The following ASB6 variants were observed in gnomAD, a reference collection of about 807,000 sequenced individuals.
ASB6 encodes ankyrin repeat and SOCS box protein 6.
ASB6 carries 24 observed loss-of-function variants against 28.6 expected under a neutral mutation model. The observed-to-expected ratio is 0.84, with a 90% confidence interval of 0.61 to 1.18. The LOEUF (loss-of-function observed/expected upper bound fraction) is 1.18, where lower values mean the gene tolerates loss of function less well. Ranked by LOEUF, ASB6 falls within the 50% of genes most tolerant of loss-of-function variation. ASB6 has a pLI of 0.00. For synonymous variants in ASB6, 267 were observed against 243.4 expected (o/e 1.10, Z -0.90); for missense variants, 519 against 559.8 (o/e 0.93, Z 0.74).
chr9:129,635,516 G>A lies in ASB6; in HGVS notation c.*2274C>T. On this transcript the variant is annotated 3_prime_UTR_variant, in exon 6 of 6. Transcript: ENST00000277458. ...AACCACAGTCCTGGTGGGGGGAGCT[G>A]GCAGCTGGGCAAGATCCAGGCGCCA... The A allele has an allele frequency of 1.9e-6, 3 of 1,569,110 alleles. No homozygotes were observed. Among genetic ancestry groups the A allele is most frequent in the South Asian group, 2.3e-5 (2 of 85,286 alleles).
intron 5 of ASB6, 52 bp downstream of exon 5, chr9:129,638,521 C>T: frequency 1.9e-6 from 3 of 1,611,140 alleles, no homozygotes; most frequent in Middle Eastern, 1.6e-4. Context: ...AGCAACAGCA[C>T]ACATCGAAGG....
In ASB6 at chr9:129,640,525, C is replaced by CG. The variant is rs1564355756; in HGVS notation, c.295+15dup. 6.2e-7 allele frequency: 1 copy of CG among 1,600,312 alleles called. No individual in the cohort carries two copies. Among genetic ancestry groups the CG allele is most frequent in the East Asian group, 2.2e-5 (1 of 44,576 alleles). On this transcript the variant is annotated intron_variant, in intron 2 of 5. Coordinates refer to ENST00000277458, the MANE Select transcript of ASB6 (RefSeq NM_017873.4). ...CGCGTTTAAGCCACCTGCCCACCCC[C>CG]GGGGCTCTCGCTGACCTTCAAAGTT... is the stretch of plus-strand genomic sequence containing the variant.
At chr9:129,641,793 G>A (rs1831708356) in intron 1 of ASB6, 94 bp downstream of exon 1, 3 of 1,280,340 alleles carry the variant, frequency 2.3e-6, no homozygotes, top group South Asian at 3.1e-5. Flanking sequence ...CTCTGTCAAG[G>A]GGGACGCATC....
In ASB6 at chr9:129,635,347, G is replaced by C. The variant is rs766525095; in HGVS notation, c.*2443C>G. On this transcript the variant is annotated 3_prime_UTR_variant, in exon 6 of 6. Transcript: ENST00000277458. ...ACGACGTGGACAGCAGCGTGTGCCG[G>C]GACCTTGACGTGGTCCGCAGGATCA... 1.9e-5 allele frequency: 30 copies of C among 1,613,838 alleles called. No individual in the cohort carries two copies. Among genetic ancestry groups the C allele is most frequent in the Non-Finnish European group, 2.5e-5 (29 of 1,180,036 alleles).
At chr9:129,640,440 A>G in intron 2 of ASB6, 101 bp downstream of exon 2, 2 of 1,432,378 alleles carry the variant, frequency 1.4e-6, no homozygotes. Context: ...GGGGGAAGTC[A>G]CTCCTCAGAG....
chr9:129,642,000 C>A lies in ASB6; in HGVS notation c.-1G>T, dbSNP rs1183587708. On this transcript the variant is annotated 5_prime_UTR_variant, in exon 1 of 6. Transcript: ENST00000277458. ...TCCGGAAGCCGTGCAGGAACGGCAT[C>A]GCCGCGGGCCCCGCGCAGCAGGGCC... 1 of 1,592,624 alleles carries A rather than the reference C, an allele frequency of 6.3e-7. No homozygotes were observed. The highest frequency in any genetic ancestry group is 8.5e-7 in the Non-Finnish European group (1 of 1,170,844).
chr9:129,639,136 C>G, intron 4 of ASB6, 66 bp downstream of exon 4: 2 of 1,487,472 alleles, frequency 1.3e-6, no homozygotes, highest in Non-Finnish European at 1.8e-6. Flanking sequence ...TCCTGGGGCA[C>G]CCTGGGTGTC....
In ASB6 at chr9:129,635,537, C is replaced by T. The variant is rs78602607; in HGVS notation, c.*2253G>A. The stretch of plus-strand genomic sequence containing the variant: ...AGCTGGCAGCTGGGCAAGATCCAGG[C>T]GCCACGCTGGCGGTTCGTGAGTGTC... On this transcript the variant is annotated 3_prime_UTR_variant, in exon 6 of 6. Transcript: ENST00000277458. 3.2e-4 allele frequency: 494 copies of T among 1,525,550 alleles called. 1 individual carries two copies. In the African/African-American group the frequency reaches 5.2e-3, roughly 16 times the overall value. 94.5% of individuals were successfully genotyped at this position (1,525,550 alleles called of 1,614,324 possible).
At position 129,636,698 on chromosome 9, in the gene ASB6, AAAT is replaced by A. The variant is rs1831564223; in HGVS notation, c.*1089_*1091del. 1 of 151,926 alleles carries A rather than the reference AAAT, an allele frequency of 6.6e-6. No homozygotes were observed. The highest frequency in any genetic ancestry group is 2.4e-5 in the African/African-American group (1 of 41,338). The allele number at this position is 151,926 out of a possible 1,614,324, so 9.4% of individuals were successfully genotyped here. A position where few individuals can be genotyped will look rare whatever the true frequency, so the allele number is the denominator to read the frequency against. On this transcript the variant is annotated 3_prime_UTR_variant, in exon 6 of 6. Coordinates refer to ENST00000277458, the MANE Select transcript of ASB6 (RefSeq NM_017873.4). ...GGTGACAGAGTGTCTCGAAAAAAAA[AAAT>A]AATAAAATGGGACCTCCACACTGTG...
rs757171119 is a variant in ASB6, at chr9:129,635,419, C to A, written c.*2371G>T. ...TCCTGGCCGAGGAGAGGCAGGAGAA[C>A]CTCCCCGATGAGATCTACCATGTCT... On this transcript the variant is annotated 3_prime_UTR_variant, in exon 6 of 6. Transcript: ENST00000277458. 4 of 1,613,178 alleles carry A rather than the reference C, an allele frequency of 2.5e-6. No homozygotes were observed. In the African/African-American group the frequency reaches 4.0e-5, roughly 16 times the overall value.
chr9:129,638,472 G>A lies in ASB6; in HGVS notation c.599-15C>T, dbSNP rs1422106099. On this transcript the variant is annotated splice_polypyrimidine_tract_variant and intron_variant, in intron 5 of 5. Coordinates refer to ENST00000277458, the MANE Select transcript of ASB6 (RefSeq NM_017873.4). ...GACGTCTGCCCCTAGAAGAGCCATA[G>A]AACAAGAGATGCTGGGAGAAGGCCT... is the stretch of plus-strand genomic sequence containing the variant. The A allele has an allele frequency of 1.2e-6, 2 of 1,608,808 alleles. No individual in the cohort carries two copies. The highest frequency in any genetic ancestry group is 1.3e-5 in the African/African-American group (1 of 74,960).
Position 129,635,304 on chromosome 9 carries a change from A to C in ASB6, c.*2486T>G. The C allele has an allele frequency of 6.2e-7, 1 of 1,613,840 alleles. No homozygotes were observed. On this transcript the variant is annotated 3_prime_UTR_variant, in exon 6 of 6. Coordinates refer to ENST00000277458, the MANE Select transcript of ASB6 (RefSeq NM_017873.4). ...ATCGTCATCAAAGACAACATGGCCCAGGAGGGCGTGATTCTGGACGACGTG... is the reference window on the plus strand; with the variant it reads ...ATCGTCATCAAAGACAACATGGCCCCGGAGGGCGTGATTCTGGACGACGTG...
rs759602092 is a variant in ASB6 at position 129,642,031 on chromosome 9, G to A, written c.-32C>T. ...GGGCCCCGCGCAGCAGGGCCGTCGC[G>A]CTTTCTGCCGAGGCCGAGATGCCCA... On this transcript the variant is annotated 5_prime_UTR_variant, in exon 1 of 6. Transcript: ENST00000277458. The surrounding 1 kb of genome is among the most constrained non-coding windows in gnomAD (Gnocchi z 4.3). The A allele has an allele frequency of 1.5e-5, 24 of 1,559,298 alleles. No individual in the cohort carries two copies. Among genetic ancestry groups the A allele is most frequent in the Admixed American group, 7.3e-5 (4 of 54,432 alleles).
At chr9:129,639,092 A>C (rs1588150198) in intron 4 of ASB6, 110 bp downstream of exon 4, 5 of 1,094,230 alleles carry the variant, frequency 4.6e-6, no homozygotes, top group Non-Finnish European at 6.6e-6. Context: ...GCCACCAGCC[A>C]GGGCCAGCAT....
chr9:129,637,789 A>G lies in ASB6; in HGVS notation c.*1T>C. On this transcript the variant is annotated 3_prime_UTR_variant, in exon 6 of 6. Transcript: ENST00000277458. ...CCCCCGTTCCTGTAGCCTGAGACCT[A>G]TCAGATGTCATCTTCCACGGAGCCA... 1 of 1,510,488 alleles carries G rather than the reference A, an allele frequency of 6.6e-7. No individual in the cohort carries two copies. The highest frequency in any genetic ancestry group is 1.8e-4 in the Middle Eastern group (1 of 5,552). 93.6% of individuals were successfully genotyped at this position (1,510,488 alleles called of 1,614,324 possible). A position where few individuals can be genotyped will look rare whatever the true frequency, so the allele number is the denominator to read the frequency against.
In ASB6 at chr9:129,640,745, G is replaced by A. The variant is rs779306713; in HGVS notation, c.114-23C>T. ...GGCCTGGGACAGGAGAGAGGCTGAG[G>A]GTAGGCACAGCTGTGGGACCGGGTG... On this transcript the variant is annotated intron_variant, in intron 1 of 5. Transcript: ENST00000277458. The A allele has an allele frequency of 5.0e-6, 8 of 1,613,208 alleles. No homozygotes were observed. The South Asian group carries it at 7.7e-5, about 16-fold the overall frequency.
chr9:129,635,060 C>T lies in ASB6; in HGVS notation c.*2730G>A, dbSNP rs1030470479. On this transcript the variant is annotated 3_prime_UTR_variant, in exon 6 of 6. Coordinates refer to ENST00000277458, the MANE Select transcript of ASB6 (RefSeq NM_017873.4). Reference sequence around the variant, plus strand: ...TTCTATGAATTGGGGTTTAGTAAATCTCTCGGGACTGAGAGCCAATGAGGC... The same window carrying T: ...TTCTATGAATTGGGGTTTAGTAAATTTCTCGGGACTGAGAGCCAATGAGGC... The T allele has an allele frequency of 1.1e-6, 1 of 890,092 alleles. No homozygotes were observed. The highest frequency in any genetic ancestry group is 1.7e-6 in the Non-Finnish European group (1 of 582,858). The allele number at this position is 890,092 out of a possible 1,614,324, so 55.1% of individuals were successfully genotyped here. A position where few individuals can be genotyped will look rare whatever the true frequency, so the allele number is the denominator to read the frequency against.
Position 129,635,727 on chromosome 9 carries a change from C to T in ASB6, c.*2063G>A. On this transcript the variant is annotated 3_prime_UTR_variant, in exon 6 of 6. Transcript: ENST00000277458. Reference sequence around the variant, plus strand: ...GGATTGGGTGGAAGGGGCTCCAGGGCTCCTGGTGCTCCCCATGTGGGAATA... The same window carrying T: ...GGATTGGGTGGAAGGGGCTCCAGGGTTCCTGGTGCTCCCCATGTGGGAATA... 3 of 433,830 alleles carry T rather than the reference C, an allele frequency of 6.9e-6. No individual in the cohort carries two copies. In the South Asian group the frequency reaches 9.7e-5, roughly 14 times the overall value. The allele number at this position is 433,830 out of a possible 1,614,324, so 26.9% of individuals were successfully genotyped here. A position where few individuals can be genotyped will look rare whatever the true frequency, so the allele number is the denominator to read the frequency against.
intron 1 of ASB6, 83 bp from the exon 2 acceptor site, chr9:129,640,805 T>G: frequency 6.6e-7 from 1 of 1,510,036 alleles, no homozygotes; most frequent in East Asian, 2.3e-5. Context: ...GCTTTAGTCC[T>G]GCTATCATCA....
Sources: allele counts gnomAD v4.1 joint callset, GRCh38; gene constraint gnomAD v4.1.1; non-coding constraint Gnocchi (gnomAD v3.1); transcripts MANE v1.5; gene names NCBI Gene and HGNC (gene_info 2026-07-23, HGNC 2026-07-21).